The following TRAP1 variants were observed in gnomAD, a reference collection of about 807,000 sequenced individuals.
The protein encoded by TRAP1 is TNF receptor associated protein 1.
In TRAP1, 102 loss-of-function variants were observed where a neutral mutation model predicts 89.1. The ratio of observed to expected loss-of-function variants is 1.15; its 90% CI spans 0.98 to 1.35. TRAP1 has a LOEUF of 1.35. Among genes scored for constraint, TRAP1 ranks in the 40% most tolerant of loss-of-function variants. TRAP1 has a pLI of 0.00. For missense variants in TRAP1, 1,256 were observed against 945.3 expected (o/e 1.33, Z -4.31); for synonymous variants, 508 against 388.0 (o/e 1.31, Z -3.64).
chr16:3,704,058 T>A (rs887710349), intron 1 of TRAP1, among the ~76,000 whole-genome samples: 1 of 149,132 alleles, frequency 6.7e-6, no homozygotes, highest in Non-Finnish European at 1.5e-5. Flanking sequence ...AAAAGTTACA[T>A]TACAGGCCAG....
intron 2 of TRAP1, among the ~76,000 whole-genome samples, chr16:3,689,990 T>C (rs1473996862): frequency 6.6e-6 from 1 of 152,154 alleles, no homozygotes; most frequent in Non-Finnish European, 1.5e-5. Context: ...GGACTGCCTC[T>C]AAGAACCAGA....
chr16:3,668,339 C>T (rs1461652730), intron 11 of TRAP1, among the ~76,000 whole-genome samples: 1 of 151,828 alleles, frequency 6.6e-6, no homozygotes, highest in Non-Finnish European at 1.5e-5. Context: ...GGATTACAGG[C>T]GTGAGCCACC....
chr16:3,679,697 T>C, intron 5 of TRAP1, 22 bp downstream of exon 5: 1 of 1,613,730 alleles, frequency 6.2e-7, no homozygotes, highest in Non-Finnish European at 8.5e-7. Flanking sequence ...AGGGGGAGGC[T>C]GTGTGGGGGC....
At chr16:3,686,779 T>C (rs1023792503) in intron 3 of TRAP1, among the ~76,000 whole-genome samples, 1 of 152,162 alleles carries the variant, frequency 6.6e-6, no homozygotes, top group African/African-American at 2.4e-5. Flanking sequence ...AAGACCAGCA[T>C]GGCCAACATG....
chr16:3,675,639 G>A (rs2050980593), intron 7 of TRAP1, among the ~76,000 whole-genome samples: 2 of 152,222 alleles, frequency 1.3e-5, no homozygotes, highest in South Asian at 4.1e-4. Flanking sequence ...AGACTGCAAT[G>A]TCAGCTTGTG....
At position 3,672,588 on chromosome 16, in the gene TRAP1, C is replaced by G; in HGVS notation, c.1165+112G>C. On this transcript the variant is annotated intron_variant, in intron 10 of 17. Coordinates refer to ENST00000246957, the MANE Select transcript of TRAP1 (RefSeq NM_016292.3). ...ACACACAGGCAGCGCAGGCCGACGG[C>G]GGTGCTCTCGCTGCAGAGGGCTGCT... 7.0e-6 allele frequency: 10 copies of G among 1,437,498 alleles called. No individual in the cohort carries two copies. The South Asian group carries it at 1.4e-4, about 21-fold the overall frequency. 89.0% of individuals were successfully genotyped at this position (1,437,498 alleles called of 1,614,324 possible).
At chr16:3,665,556 A>G (rs901685038) in intron 12 of TRAP1, 13 of 178,462 alleles carry the variant, frequency 7.3e-5, no homozygotes, top group Admixed American at 4.9e-4. Context: ...ACTGATATCC[A>G]GTACATGATG....
At chr16:3,704,931 A>T (rs1032772359) in intron 1 of TRAP1, among the ~76,000 whole-genome samples, 1 of 152,226 alleles carries the variant, frequency 6.6e-6, no homozygotes, top group Non-Finnish European at 1.5e-5. Context: ...ATAAAAGCTA[A>T]AAGTACTGAA....
chr16:3,707,534 T>A (rs796627424), intron 1 of TRAP1, among the ~76,000 whole-genome samples: 3 of 151,604 alleles, frequency 2.0e-5, no homozygotes, highest in African/African-American at 7.3e-5. Flanking sequence ...AGGCCATAAA[T>A]ATAAGGACCA....
At chr16:3,693,649 T>C (rs2051246728) in intron 1 of TRAP1, among the ~76,000 whole-genome samples, 2 of 152,228 alleles carry the variant, frequency 1.3e-5, no homozygotes, top group South Asian at 4.1e-4. Context: ...GTATTTTGTT[T>C]CCTAGGACTA....
chr16:3,659,749 T>TTTAGATAGACAGA (rs1272532360), intron 16 of TRAP1: 2 of 140,244 alleles, frequency 1.4e-5, no homozygotes, highest in Non-Finnish European at 3.2e-5. Flanking sequence ...ACTTTTTTTT[T>TTTAGATAGACAGA]TAGATAGATA....
chr16:3,691,102 T>TTCTAA, intron 1 of TRAP1, 117 bp from the exon 2 acceptor site: 3 of 1,033,252 alleles, frequency 2.9e-6, no homozygotes, highest in Non-Finnish European at 3.9e-6. Flanking sequence ...TAAGTCGGGC[T>TTCTAA]GTTGCTGAAA....
At chr16:3,700,094 C>G (rs2051345224) in intron 1 of TRAP1, among the ~76,000 whole-genome samples, 1 of 152,240 alleles carries the variant, frequency 6.6e-6, no homozygotes, top group Admixed American at 6.5e-5. Flanking sequence ...TTGTATTTCT[C>G]AGTAACACTC....
At chr16:3,701,101 G>A (rs76238352) in intron 1 of TRAP1, among the ~76,000 whole-genome samples, 1 of 151,982 alleles carries the variant, frequency 6.6e-6, no homozygotes, top group Admixed American at 6.6e-5. Context: ...ACAAATGAAT[G>A]GAAAAATACA....
chr16:3,673,229 A>C (rs967821694), intron 9 of TRAP1, among the ~76,000 whole-genome samples: 1 of 152,198 alleles, frequency 6.6e-6, no homozygotes, highest in African/African-American at 2.4e-5. Flanking sequence ...AGATTTCAAA[A>C]AGGATGATCT....
At chr16:3,672,931 TC>T (rs2050934786) in intron 9 of TRAP1, 111 bp from the exon 10 acceptor site, 2 of 1,408,094 alleles carry the variant, frequency 1.4e-6, no homozygotes, top group Non-Finnish European at 1.9e-6. Flanking sequence ...CGCCTCGCCC[TC>T]CCCCAGCGTC....
chr16:3,675,961 A>C, intron 7 of TRAP1, 75 bp downstream of exon 7: 2 of 1,312,968 alleles, frequency 1.5e-6, no homozygotes, highest in Non-Finnish European at 2.1e-6. Context: ...GAACCAGGGA[A>C]AATGCCTGCT....
chr16:3,705,367 A>G (rs4260060), intron 1 of TRAP1, among the ~76,000 whole-genome samples: 25,450 of 151,272 alleles, frequency 0.17, 2,253 homozygotes, highest in South Asian at 0.26. Flanking sequence ...CCATGCCCGG[A>G]CAACTACAGA....
At chr16:3,672,228 C>G (rs895654591) in intron 10 of TRAP1, among the ~76,000 whole-genome samples, 1 of 151,958 alleles carries the variant, frequency 6.6e-6, no homozygotes, top group Non-Finnish European at 1.5e-5. Context: ...CCCAGCTACT[C>G]GGGAGGCTAA....
Sources: gnomAD v4.1 joint callset for allele counts (sites outside exome capture counted in the v4.1 genomes callset) on GRCh38, gnomAD v4.1.1 for gene constraint, MANE v1.5 for transcripts, NCBI Gene and HGNC (gene_info 2026-07-23, HGNC 2026-07-21) for gene names.